C7orf78: variants seen among roughly 807,000 people sequenced by gnomAD.
C7orf78 encodes putative uncharacterized protein C7orf78.
chr7:12,535,246 GTTT>G, the C7orf78 span, among the ~76,000 whole-genome samples: 1 of 152,138 alleles, frequency 6.6e-6, no homozygotes, highest in Non-Finnish European at 1.5e-5. Context: ...AAAGAAAGAG[GTTT>G]ATTGGACTTA....
the C7orf78 span, among the ~76,000 whole-genome samples, chr7:12,510,575 G>T: frequency 1.3e-5 from 2 of 152,058 alleles, no homozygotes; most frequent in Admixed American, 6.6e-5. Flanking sequence ...GCCAGCATAT[G>T]TTATTTTTTG....
the C7orf78 span, among the ~76,000 whole-genome samples, chr7:12,524,170 C>T: frequency 6.6e-6 from 1 of 152,022 alleles, no homozygotes; most frequent in Admixed American, 6.6e-5. Flanking sequence ...CTTTTATTTT[C>T]TAATAACTTT....
the C7orf78 span, among the ~76,000 whole-genome samples, chr7:12,535,250 ATTGG>A: frequency 6.6e-6 from 1 of 152,198 alleles, no homozygotes; most frequent in Non-Finnish European, 1.5e-5. Context: ...AAAGAGGTTT[ATTGG>A]ACTTACAGTT....
the C7orf78 span, among the ~76,000 whole-genome samples, chr7:12,495,805 A>G: frequency 4.6e-4 from 70 of 152,232 alleles, 1 homozygote; most frequent in African/African-American, 1.6e-3. Context: ...TGTAATTCAA[A>G]TAACTTACTT....
the C7orf78 span, among the ~76,000 whole-genome samples, chr7:12,487,306 G>A: frequency 6.6e-6 from 1 of 151,994 alleles, no homozygotes; most frequent in African/African-American, 2.4e-5. Flanking sequence ...TTACAAGTCT[G>A]TCTTTGAGAT....
chr7:12,503,546 T>A, the C7orf78 span, among the ~76,000 whole-genome samples: 6 of 152,082 alleles, frequency 3.9e-5, no homozygotes, highest in African/African-American at 1.4e-4. Flanking sequence ...TTAAACTGGA[T>A]GATGGTTACA....
the C7orf78 span, among the ~76,000 whole-genome samples, chr7:12,539,609 G>A: frequency 1.3e-5 from 2 of 152,142 alleles, no homozygotes; most frequent in Non-Finnish European, 2.9e-5. Flanking sequence ...GTTTCTTGAT[G>A]GTGTTACCAA....
chr7:12,510,604 C>G, the C7orf78 span, among the ~76,000 whole-genome samples: 1 of 152,058 alleles, frequency 6.6e-6, no homozygotes, highest in African/African-American at 2.4e-5. Flanking sequence ...AATAGCCATT[C>G]TAACTGTGGT....
At chr7:12,512,055 G>A in the C7orf78 span, among the ~76,000 whole-genome samples, 15 of 151,140 alleles carry the variant, frequency 9.9e-5, no homozygotes, top group African/African-American at 2.2e-4. Context: ...GATTACAGGC[G>A]TGAGCCACCA....
the C7orf78 span, among the ~76,000 whole-genome samples, chr7:12,513,872 T>C: frequency 5.3e-3 from 806 of 152,090 alleles, 5 homozygotes; most frequent in African/African-American, 6.8e-3. Context: ...TGGTGGTGGG[T>C]GCCTGTAGTC....
chr7:12,488,956 C>T, the C7orf78 span, among the ~76,000 whole-genome samples: 2 of 147,120 alleles, frequency 1.4e-5, no homozygotes, highest in Admixed American at 1.4e-4. Context: ...GAAGAGTTTC[C>T]GTATATTTGA....
chr7:12,514,503 A>G, the C7orf78 span, among the ~76,000 whole-genome samples: 1 of 152,084 alleles, frequency 6.6e-6, no homozygotes, highest in African/African-American at 2.4e-5. Flanking sequence ...CAGCCAGTGT[A>G]AATCTTTTAA....
the C7orf78 span, chr7:12,506,979 C>T: frequency 2.1e-6 from 1 of 466,660 alleles, no homozygotes; most frequent in South Asian, 1.5e-5. Context: ...CATGAGGAAG[C>T]AAATAAAACC....
At chr7:12,509,950 C>T in the C7orf78 span, among the ~76,000 whole-genome samples, 1 of 150,830 alleles carries the variant, frequency 6.6e-6, no homozygotes, top group African/African-American at 2.4e-5. Context: ...ATGAGAATCA[C>T]TTGAACCCGG....
the C7orf78 span, among the ~76,000 whole-genome samples, chr7:12,501,337 G>A: frequency 8.1e-5 from 12 of 147,502 alleles, no homozygotes; most frequent in East Asian, 6.0e-4. Context: ...AAACCCCATT[G>A]TCTCAGCCCA....
chr7:12,527,940 C>G, the C7orf78 span, among the ~76,000 whole-genome samples: 3 of 149,088 alleles, frequency 2.0e-5, no homozygotes, highest in Non-Finnish European at 4.4e-5. Flanking sequence ...TGCCATCTAG[C>G]TGTGTAATTG....
the C7orf78 span, among the ~76,000 whole-genome samples, chr7:12,539,790 A>G: frequency 1.3e-5 from 2 of 152,188 alleles, no homozygotes; most frequent in Non-Finnish European, 2.9e-5. Context: ...TTTATATAAC[A>G]TTCTTCTGTA....
the C7orf78 span, among the ~76,000 whole-genome samples, chr7:12,504,815 A>C: frequency 1.3e-5 from 2 of 152,254 alleles, no homozygotes; most frequent in Admixed American, 1.3e-4. Flanking sequence ...AATGTGCATG[A>C]ATATGTGGTC....
the C7orf78 span, among the ~76,000 whole-genome samples, chr7:12,513,305 G>A: frequency 1.3e-5 from 2 of 150,906 alleles, no homozygotes; most frequent in African/African-American, 2.4e-5. Context: ...TCCAGGTACA[G>A]CCTTAAGTTG....
Sources: allele counts gnomAD v4.1 joint callset (sites outside exome capture counted in the v4.1 genomes callset), GRCh38; gene constraint gnomAD v4.1.1; transcripts MANE v1.5; gene names NCBI Gene and HGNC (gene_info 2026-07-23, HGNC 2026-07-21).